TUSC3: variants seen among roughly 807,000 people sequenced by gnomAD.
TUSC3 encodes tumor suppressor candidate 3, also known as dolichyl-diphosphooligosaccharide--protein glycosyltransferase subunit TUSC3.
TUSC3 carries 45 observed loss-of-function variants against 44.8 expected under a neutral mutation model. The observed-to-expected ratio is 1.00, with a 90% confidence interval of 0.79 to 1.29. The LOEUF (loss-of-function observed/expected upper bound fraction) is 1.29, where lower values mean the gene tolerates loss of function less well. Among genes scored for constraint, TUSC3 ranks in the 50% most tolerant of loss-of-function variants. The pLI, the probability that TUSC3 is intolerant of heterozygous loss-of-function variation, is 0.00. For synonymous variants in TUSC3, 212 were observed against 152.9 expected, an observed-to-expected ratio of 1.39 and a Z score of -2.85; for missense variants, 519 against 437.9, an observed-to-expected ratio of 1.19 and a Z score of -1.65.
At chr8:15,516,357 G>T (rs1188331738) in intron 2 of TUSC3, among the ~76,000 whole-genome samples, 1 of 152,120 alleles carries the variant, frequency 6.6e-6, no homozygotes, top group Admixed American at 6.5e-5. Context: ...TTCATTTTAT[G>T]TACTAGCTGA....
intron 1 of TUSC3, among the ~76,000 whole-genome samples, chr8:15,435,300 T>G (rs1019444127): frequency 1.3e-5 from 2 of 152,122 alleles, no homozygotes; most frequent in African/African-American, 4.8e-5. Context: ...TGATGAGCAT[T>G]TTTTCATGTG....
At chr8:15,424,276 G>A (rs1210039591) in intron 1 of TUSC3, among the ~76,000 whole-genome samples, 2 of 151,894 alleles carry the variant, frequency 1.3e-5, no homozygotes, top group Admixed American at 6.6e-5. Flanking sequence ...TACAATCAGA[G>A]AAGGTGGTCC....
intron 7 of TUSC3, among the ~76,000 whole-genome samples, chr8:15,733,088 G>A (rs1257165951): frequency 6.6e-6 from 1 of 152,122 alleles, no homozygotes; most frequent in Non-Finnish European, 1.5e-5. Flanking sequence ...CTGCACACCT[G>A]CTTTAATATG....
At chr8:15,568,786 T>A (rs902788580) in intron 1 of TUSC3, among the ~76,000 whole-genome samples, 31 of 152,070 alleles carry the variant, frequency 2.0e-4, no homozygotes, top group Admixed American at 1.8e-3. Flanking sequence ...AAAAAAAAAA[T>A]GTAAATTCTT....
chr8:15,831,298 C>T, the TUSC3 span, among the ~76,000 whole-genome samples: 108 of 152,250 alleles, frequency 7.1e-4, no homozygotes, highest in African/African-American at 2.4e-3. Flanking sequence ...GAAAAAACAT[C>T]CAAAGGTCAT....
chr8:15,799,055 TCTC>T, the TUSC3 span, among the ~76,000 whole-genome samples: 3 of 152,094 alleles, frequency 2.0e-5, no homozygotes, highest in Non-Finnish European at 2.9e-5. Context: ...TATCAAGAAA[TCTC>T]CTTGACAAGG....
chr8:15,479,035 A>G (rs998483743), intron 1 of TUSC3, among the ~76,000 whole-genome samples: 1 of 152,206 alleles, frequency 6.6e-6, no homozygotes, highest in Admixed American at 6.5e-5. Context: ...ATAATTAGTG[A>G]TGTTGAACTT....
At chr8:15,671,776 C>T (rs959631611) in intron 5 of TUSC3, among the ~76,000 whole-genome samples, 1 of 152,002 alleles carries the variant, frequency 6.6e-6, no homozygotes, top group South Asian at 2.1e-4. Context: ...TTATCCTCAG[C>T]TTCTAAATTA....
the TUSC3 span, among the ~76,000 whole-genome samples, chr8:15,835,019 A>T: frequency 6.6e-6 from 1 of 152,200 alleles, no homozygotes; most frequent in Non-Finnish European, 1.5e-5. Flanking sequence ...CATGACTGTA[A>T]GCTGGACTTT....
intron 6 of TUSC3, among the ~76,000 whole-genome samples, chr8:15,680,266 G>T (rs538683628): frequency 3.3e-5 from 5 of 152,092 alleles, no homozygotes; most frequent in African/African-American, 1.2e-4. Flanking sequence ...TATTTCAGCA[G>T]TGTTTTGTAG....
At chr8:15,701,628 G>T (rs1245063579) in intron 6 of TUSC3, among the ~76,000 whole-genome samples, 2 of 152,108 alleles carry the variant, frequency 1.3e-5, no homozygotes, top group Non-Finnish European at 2.9e-5. Context: ...AAATGTATTA[G>T]AATTTAACTG....
intron 5 of TUSC3, among the ~76,000 whole-genome samples, chr8:15,668,287 C>T (rs1807770673): frequency 6.6e-6 from 1 of 151,528 alleles, no homozygotes; most frequent in South Asian, 2.1e-4. Context: ...TAGGTCATGG[C>T]TGGGACTAGT....
intron 1 of TUSC3, among the ~76,000 whole-genome samples, chr8:15,455,581 T>TA (rs1554503207): frequency 6.6e-6 from 1 of 152,162 alleles, no homozygotes; most frequent in Non-Finnish European, 1.5e-5. Context: ...TACTTTTTTT[T>TA]AACTATTTGC....
At chr8:15,768,728 G>A (rs1208629232), downstream of TUSC3, among the ~76,000 whole-genome samples, 1 of 152,098 alleles carries the variant, frequency 6.6e-6, no homozygotes, top group Non-Finnish European at 1.5e-5. Flanking sequence ...AAGCTGATAA[G>A]CAACTTCAGA....
At chr8:15,797,948 T>C in the TUSC3 span, among the ~76,000 whole-genome samples, 1 of 152,210 alleles carries the variant, frequency 6.6e-6, no homozygotes, top group Non-Finnish European at 1.5e-5. Context: ...TGTATTGGGC[T>C]AATGCATCTC....
intron 1 of TUSC3, among the ~76,000 whole-genome samples, chr8:15,427,270 A>T (rs1172227918): frequency 6.7e-6 from 1 of 148,408 alleles, no homozygotes; most frequent in Non-Finnish European, 1.5e-5. Flanking sequence ...ATCCTGTTAC[A>T]GGAGGTAGCT....
At chr8:15,564,812 C>G (rs921861018) in intron 1 of TUSC3, among the ~76,000 whole-genome samples, 1 of 151,954 alleles carries the variant, frequency 6.6e-6, no homozygotes, top group African/African-American at 2.4e-5. Context: ...CCACTCCCAC[C>G]CTGTTCTAAG....
At chr8:15,828,909 G>T in the TUSC3 span, among the ~76,000 whole-genome samples, 1 of 152,128 alleles carries the variant, frequency 6.6e-6, no homozygotes, top group African/African-American at 2.4e-5. Context: ...AAATGTTGGA[G>T]TGAAAGAAAA....
intron 1 of TUSC3, among the ~76,000 whole-genome samples, chr8:15,581,811 G>A (rs1351903079): frequency 7.5e-6 from 1 of 132,744 alleles, no homozygotes; most frequent in Non-Finnish European, 1.6e-5. Context: ...GCCTACAGAG[G>A]CAGGCAGGCC....
Sources: gnomAD v4.1 joint callset for allele counts (sites outside exome capture counted in the v4.1 genomes callset) on GRCh38, gnomAD v4.1.1 for gene constraint, MANE v1.5 for transcripts, NCBI Gene and HGNC (gene_info 2026-07-23, HGNC 2026-07-21) for gene names.